Variants in TACC2 observed in about 807,000 individuals in gnomAD.
TACC2 encodes transforming acidic coiled-coil-containing protein 2.
TACC2 carries 137 observed loss-of-function variants against 227.3 expected under a neutral mutation model. The observed-to-expected ratio is 0.60, with a 90% CI of 0.52 to 0.69. The LOEUF (loss-of-function observed/expected upper bound fraction) is 0.69. Ranked by LOEUF, TACC2 falls within the 30% of genes least tolerant of loss-of-function variation. The pLI, the probability that TACC2 is intolerant of heterozygous loss-of-function variation, is 0.00. For synonymous variants in TACC2, 1,523 were observed against 1,487.5 expected (o/e 1.02, Z -0.55); for missense variants, 3,470 against 3,694.4 (o/e 0.94, Z 1.57).
chr10:122,083,590 A>G lies in TACC2; in HGVS notation c.1090A>G (p.Lys364Glu). 6.2e-7 allele frequency: 1 copy of G among 1,612,512 alleles called. No homozygotes were observed. The highest frequency in any genetic ancestry group is 2.2e-5 in the East Asian group (1 of 44,856). ...GGTGCCAGAGGCTGGGGGCTCTGGG[A>G]AGGAGGCTCTGGACACCATTGATGT... ...ALVPEAGGSG[K>E]EALDTIDVQG... is the part of the protein sequence containing the mutation. Residue 364 changes from lysine to glutamate, a missense_variant, in exon 4 of 23, where the codon AAG becomes GAG. Physicochemically the swap from Lys to Glu is moderately conservative, Grantham distance 56 (BLOSUM62 1). Around this residue, in one of 10 missense-constraint regions of TACC2, gnomAD observed 1,924 missense variants for 1,978.3 expected, o/e 0.97. Coordinates refer to ENST00000369005, the MANE Select transcript of TACC2 (RefSeq NM_206862.4).
chr10:122,046,465 C>T (rs2075016685), intron 2 of TACC2, among the ~76,000 whole-genome samples: 1 of 136,338 alleles, frequency 7.3e-6, no homozygotes, highest in Non-Finnish European at 1.6e-5. Flanking sequence ...CAGAGTGAGA[C>T]TCTGTCTCAA....
At chr10:122,186,800 A>T (rs1422648875) in intron 7 of TACC2, among the ~76,000 whole-genome samples, 1 of 152,202 alleles carries the variant, frequency 6.6e-6, no homozygotes, top group African/African-American at 2.4e-5. Context: ...GGCATGTGAC[A>T]CCGCCCCCGG....
chr10:122,045,864 A>C (rs576680123), intron 2 of TACC2, among the ~76,000 whole-genome samples: 90 of 152,338 alleles, frequency 5.9e-4, no homozygotes, highest in Non-Finnish European at 6.8e-4. Context: ...TCATTCTTGC[A>C]GATTAGCTTT....
rs980990521 is a variant in TACC2 at position 122,141,886 on chromosome 10, G to A, written c.5700-1686G>A. 2.6e-5 allele frequency among the ~76,000 whole-genome samples: 4 copies of A among 152,172 alleles called. No homozygotes were observed. Among genetic ancestry groups the A allele is most frequent in the African/African-American group, 4.8e-5 (2 of 41,432 alleles). ...AAGCGAAGTTAGACTAGTAGTTTGCGTTTGTAAGTGGTCCATTTGCCGATT... is the reference window on the plus strand; with the variant it reads ...AAGCGAAGTTAGACTAGTAGTTTGCATTTGTAAGTGGTCCATTTGCCGATT... On this transcript the variant is annotated intron_variant, in intron 6 of 22. Coordinates refer to ENST00000369005, the MANE Select transcript of TACC2 (RefSeq NM_206862.4). The surrounding 1 kb of genome is among the most constrained non-coding windows in gnomAD (Gnocchi z 4.3).
chr10:122,109,635 A>G (rs2083354454), intron 5 of TACC2, among the ~76,000 whole-genome samples: 1 of 152,264 alleles, frequency 6.6e-6, no homozygotes, highest in Non-Finnish European at 1.5e-5. Context: ...TCTTGCCTTT[A>G]GAGATTCAGA....
At chr10:122,043,339 A>G (rs1472758370) in intron 2 of TACC2, among the ~76,000 whole-genome samples, 6 of 152,148 alleles carry the variant, frequency 3.9e-5, no homozygotes, top group Admixed American at 3.9e-4. Context: ...GCTTCTGAGG[A>G]AGGGAAGGCA....
At chr10:122,178,247 T>C (rs1181470218) in intron 7 of TACC2, among the ~76,000 whole-genome samples, 3 of 150,962 alleles carry the variant, frequency 2.0e-5, no homozygotes, top group South Asian at 2.1e-4. Flanking sequence ...TTCTTTTTTT[T>C]TTTTTTTTGA....
chr10:122,026,461 A>G (rs562258897), intron 2 of TACC2, among the ~76,000 whole-genome samples: 2 of 151,018 alleles, frequency 1.3e-5, no homozygotes, highest in Admixed American at 6.6e-5. Flanking sequence ...TTTTTTGGCT[A>G]AAAGTTTTGA....
intron 5 of TACC2, among the ~76,000 whole-genome samples, chr10:122,125,776 CT>C (rs67882679): frequency 0.14 from 16,926 of 116,994 alleles, 1,234 homozygotes; most frequent in Middle Eastern, 0.24. Context: ...AATATCCTTC[CT>C]TTTTTTTTTT....
At chr10:122,105,940 C>CTGTG (rs1336236763) in intron 5 of TACC2, among the ~76,000 whole-genome samples, 43 of 79,798 alleles carry the variant, frequency 5.4e-4, no homozygotes, top group Middle Eastern at 9.3e-3. Context: ...AACATTTTCT[C>CTGTG]TCTCTGTGTG....
At chr10:122,095,756 G>T (rs114757424) in intron 5 of TACC2, among the ~76,000 whole-genome samples, 9 of 152,360 alleles carry the variant, frequency 5.9e-5, no homozygotes, top group African/African-American at 1.4e-4. Flanking sequence ...TCCACCGACG[G>T]TTCTTCAGTG....
chr10:122,139,063 T>C (rs1444113643), intron 6 of TACC2, among the ~76,000 whole-genome samples: 3 of 152,204 alleles, frequency 2.0e-5, no homozygotes. Context: ...GATTCATAAC[T>C]TGGACGATCC....
chr10:122,064,645 G>A (rs996484076), intron 3 of TACC2, among the ~76,000 whole-genome samples: 1 of 152,094 alleles, frequency 6.6e-6, no homozygotes, highest in African/African-American at 2.4e-5. Flanking sequence ...AGTTTGTGTT[G>A]TACATTCTGA....
chr10:122,052,082 G>A (rs1455459825), intron 3 of TACC2: 2 of 152,130 alleles, frequency 1.3e-5, no homozygotes, highest in African/African-American at 4.8e-5. Context: ...TTTTTCATCA[G>A]GGTCACAGGA....
intron 8 of TACC2, among the ~76,000 whole-genome samples, chr10:122,199,513 G>T (rs188302348): frequency 1.3e-3 from 200 of 152,306 alleles, no homozygotes; most frequent in African/African-American, 4.5e-3. Flanking sequence ...ATCCAGCTGA[G>T]GCCCTTCCCA....
intron 1 of TACC2, among the ~76,000 whole-genome samples, chr10:122,000,777 A>AT (rs1283594813): frequency 6.6e-6 from 1 of 151,520 alleles, no homozygotes; most frequent in South Asian, 2.1e-4. Flanking sequence ...CCACTGTTCA[A>AT]TTTTTTTGTT....
chr10:122,156,540 C>G (rs578074037), intron 7 of TACC2, among the ~76,000 whole-genome samples: 41 of 152,308 alleles, frequency 2.7e-4, no homozygotes, highest in Non-Finnish European at 5.3e-4. Context: ...GTCACTCTTT[C>G]ATAAACAGTT....
intron 5 of TACC2, among the ~76,000 whole-genome samples, chr10:122,129,706 G>A (rs941843792): frequency 1.3e-5 from 2 of 152,074 alleles, no homozygotes; most frequent in African/African-American, 2.4e-5. Context: ...ACACCCAGCC[G>A]GAGCTCCTGC....
intron 1 of TACC2, among the ~76,000 whole-genome samples, chr10:122,008,264 A>ATTATTATTATTTTT: frequency 1.0e-3 from 135 of 134,662 alleles, no homozygotes; most frequent in Middle Eastern, 7.4e-3. Context: ...TATTATTATT[A>ATTATTATTATTTTT]TTTTTTTTTT....
Sources: gnomAD v4.1 joint callset for allele counts (sites outside exome capture counted in the v4.1 genomes callset) on GRCh38, gnomAD v4.1.1 for gene constraint, gnomAD v4.1.1 regional missense constraint, Gnocchi (gnomAD v3.1) non-coding constraint, MANE v1.5 for transcripts, NCBI Gene and HGNC (gene_info 2026-07-23, HGNC 2026-07-21) for gene names.